The following NEMP2 variants were observed in gnomAD, a reference collection of about 807,000 sequenced individuals.
NEMP2 encodes nuclear envelope integral membrane protein 2, also known as UPF0571 transmembrane protein.
Under a neutral mutation model 54.2 loss-of-function variants are expected in NEMP2, and 53 were observed. The ratio of observed to expected loss-of-function variants is 0.98; its 90% CI spans 0.78 to 1.23. NEMP2 has a LOEUF of 1.23. NEMP2 is among the 50% of genes most tolerant of loss of function. NEMP2 has a pLI of 0.00. For synonymous variants in NEMP2, 197 were observed against 190.3 expected, an observed-to-expected ratio of 1.04 and a Z score of -0.29; for missense variants, 455 against 511.3, an observed-to-expected ratio of 0.89 and a Z score of 1.06.
chr2:190,542,532 T>A, the NEMP2 span, among the ~76,000 whole-genome samples: 1 of 152,172 alleles, frequency 6.6e-6, no homozygotes, highest in African/African-American at 2.4e-5. The surrounding 1 kb of genome is among the most constrained non-coding windows in gnomAD (Gnocchi z 4.6). Flanking sequence ...ATTTTTGAGG[T>A]AACTTTCTAT....
Position 190,522,921 on chromosome 2 carries a change from T to C in NEMP2, c.213+2342A>G, listed in dbSNP as rs987638241. On this transcript the variant is annotated intron_variant, in intron 2 of 8. Transcript: ENST00000409150. This position sits in a 1 kb window ranked among gnomAD's most constrained non-coding sequence, Gnocchi z 5.0. ...ACCTAACTAATGTATACCTTAAATG[T>C]ATTTGATTAATGTCTCATGTCTCCC... Among the ~76,000 whole-genome samples the C allele has an allele frequency of 6.6e-6, 1 of 152,188 alleles. No homozygotes were observed. The highest frequency in any genetic ancestry group is 2.4e-5 in the African/African-American group (1 of 41,444).
At chr2:190,552,085 A>G in the NEMP2 span, among the ~76,000 whole-genome samples, 2 of 152,138 alleles carry the variant, frequency 1.3e-5, no homozygotes, top group Non-Finnish European at 1.5e-5. Context: ...TTTGTAGCAG[A>G]CCTTTTGCAC....
chr2:190,630,695 A>G, the NEMP2 span, among the ~76,000 whole-genome samples: 1 of 152,304 alleles, frequency 6.6e-6, no homozygotes, highest in Non-Finnish European at 1.5e-5. The surrounding 1 kb of genome is among the most constrained non-coding windows in gnomAD (Gnocchi z 5.5). Context: ...GGATGGACTA[A>G]ATGGCTATTA....
the NEMP2 span, among the ~76,000 whole-genome samples, chr2:190,622,748 G>T: frequency 2.0e-5 from 3 of 151,702 alleles, no homozygotes; most frequent in African/African-American, 7.3e-5. Context: ...AATATATAAA[G>T]AATTCTTAAA....
At chr2:190,624,066 T>A in the NEMP2 span, among the ~76,000 whole-genome samples, 1 of 152,180 alleles carries the variant, frequency 6.6e-6, no homozygotes, top group African/African-American at 2.4e-5. Context: ...GAAGATTGCT[T>A]GAGCCAGGGA....
rs1026209255 is a variant in NEMP2 at position 190,514,829 on chromosome 2, T to C, written c.728-151A>G. On this transcript the variant is annotated intron_variant, in intron 6 of 8. Transcript: ENST00000409150. The surrounding 1 kb of genome is among the most constrained non-coding windows in gnomAD (Gnocchi z 5.7). ...ATAAAGTAAGGTTGAAAAATGCACA[T>C]AGGGTGTTATTCCTTCCATATGAGA... Among the ~76,000 whole-genome samples, 7 of 152,216 alleles carry C rather than the reference T, an allele frequency of 4.6e-5. No individual in the cohort carries two copies. The highest frequency in any genetic ancestry group is 8.8e-5 in the Non-Finnish European group (6 of 68,022).
the NEMP2 span, among the ~76,000 whole-genome samples, chr2:190,647,287 T>C: frequency 6.6e-6 from 1 of 152,240 alleles, no homozygotes; most frequent in Non-Finnish European, 1.5e-5. Context: ...ATTGCGGCAT[T>C]ACTCATTTCT....
At position 190,525,392 on chromosome 2, in the gene NEMP2, A is replaced by G. The variant is rs1366726330; in HGVS notation, c.98-14T>C. Reference sequence around the variant, plus strand: ...TACACCTACGAACTGAGAGATGGAAAAGGGAATGCATTTTCTAACTGTTTA... The same window carrying G: ...TACACCTACGAACTGAGAGATGGAAGAGGGAATGCATTTTCTAACTGTTTA... On this transcript the variant is annotated splice_polypyrimidine_tract_variant and intron_variant, in intron 1 of 8. Coordinates refer to ENST00000409150, the MANE Select transcript of NEMP2 (RefSeq NM_001142645.2). The surrounding 1 kb of genome is among the most constrained non-coding windows in gnomAD (Gnocchi z 5.0). 6.9e-6 allele frequency: 10 copies of G among 1,443,170 alleles called. No individual in the cohort carries two copies. In the Admixed American group the frequency reaches 1.0e-4, roughly 15 times the overall value. 89.4% of individuals were successfully genotyped at this position (1,443,170 alleles called of 1,614,324 possible). A position where few individuals can be genotyped will look rare whatever the true frequency, so the allele number is the denominator to read the frequency against.
upstream of NEMP2, among the ~76,000 whole-genome samples, chr2:190,537,566 CAATT>C (rs1410790559): frequency 6.6e-6 from 1 of 152,158 alleles, no homozygotes; most frequent in African/African-American, 2.4e-5. Flanking sequence ...AACTGTGAGT[CAATT>C]AAACCTCTTT....
chr2:190,526,074 T>C (rs1690924860), intron 1 of NEMP2, among the ~76,000 whole-genome samples: 1 of 152,118 alleles, frequency 6.6e-6, no homozygotes, highest in Non-Finnish European at 1.5e-5. Context: ...GCACTAACAA[T>C]AAGGCACTAT....
chr2:190,491,549 GA>G, the NEMP2 span, among the ~76,000 whole-genome samples: 1 of 152,192 alleles, frequency 6.6e-6, no homozygotes, highest in South Asian at 2.1e-4. The surrounding 1 kb of genome is among the most constrained non-coding windows in gnomAD (Gnocchi z 4.2). Flanking sequence ...GCTAGATCCA[GA>G]AGAGAAATGA....
chr2:190,482,907 C>G, the NEMP2 span, among the ~76,000 whole-genome samples: 1 of 13,956 alleles, frequency 7.2e-5, no homozygotes, highest in East Asian at 4.7e-3. Flanking sequence ...TTTTTTTAGA[C>G]GGAGTCTCAC....
chr2:190,575,479 CATTTT>C, the NEMP2 span, among the ~76,000 whole-genome samples: 1 of 152,124 alleles, frequency 6.6e-6, no homozygotes, highest in African/African-American at 2.4e-5. Flanking sequence ...TCCTCTCTTT[CATTTT>C]CTCTTTTGAG....
the NEMP2 span, among the ~76,000 whole-genome samples, chr2:190,430,223 T>TA: frequency 6.6e-6 from 1 of 151,094 alleles, no homozygotes; most frequent in Admixed American, 6.6e-5. Flanking sequence ...TTTTTTTTTT[T>TA]AATTGATCAT....
the NEMP2 span, among the ~76,000 whole-genome samples, chr2:190,481,277 T>C: frequency 3.3e-5 from 5 of 152,362 alleles, no homozygotes; most frequent in East Asian, 5.8e-4. Context: ...ACATCAGTTA[T>C]AGACTTTTTT....
the NEMP2 span, among the ~76,000 whole-genome samples, chr2:190,631,796 C>A: frequency 6.6e-6 from 1 of 152,236 alleles, no homozygotes; most frequent in Non-Finnish European, 1.5e-5. Flanking sequence ...TGGCTCATGC[C>A]TGTAATCCCA....
At chr2:190,535,546 G>A (rs1691347653), upstream of NEMP2, among the ~76,000 whole-genome samples, 2 of 152,088 alleles carry the variant, frequency 1.3e-5, no homozygotes, top group Non-Finnish European at 2.9e-5. Flanking sequence ...TACTTAACTA[G>A]GACAGTCTTC....
At chr2:190,545,690 AT>A in the NEMP2 span, among the ~76,000 whole-genome samples, 1 of 152,186 alleles carries the variant, frequency 6.6e-6, no homozygotes, top group African/African-American at 2.4e-5. Context: ...GAACTCAAAT[AT>A]TTTTAAAAAG....
chr2:190,604,886 A>G, the NEMP2 span, among the ~76,000 whole-genome samples: 3 of 152,168 alleles, frequency 2.0e-5, no homozygotes, highest in African/African-American at 7.2e-5. The surrounding 1 kb of genome is among the most constrained non-coding windows in gnomAD (Gnocchi z 4.5). Context: ...TGTGACCAAA[A>G]CCGAACGTAA....
Sources: gnomAD v4.1 joint callset for allele counts (sites outside exome capture counted in the v4.1 genomes callset) on GRCh38, gnomAD v4.1.1 for gene constraint, Gnocchi (gnomAD v3.1) non-coding constraint, MANE v1.5 for transcripts, NCBI Gene and HGNC (gene_info 2026-07-23, HGNC 2026-07-21) for gene names.